The following RBM39 variants were observed in gnomAD, a reference collection of about 807,000 sequenced individuals.
The protein encoded by RBM39 is RNA binding motif protein 39.
In RBM39, 12 loss-of-function variants were observed where a neutral mutation model predicts 79.6. The ratio of observed to expected loss-of-function variants is 0.15; its 90% confidence interval spans 0.10 to 0.24. RBM39 has a LOEUF of 0.24. Ranked by LOEUF, RBM39 falls within the 10% of genes least tolerant of loss-of-function variation. RBM39 has a pLI of 1.00. For synonymous variants in RBM39, 185 were observed against 208.4 expected (o/e 0.89, Z 0.97); for missense variants, 243 against 653.4 (o/e 0.37, Z 6.85).
chr20:35,736,462 G>A (rs531581457), intron 3 of RBM39: 43 of 370,560 alleles, frequency 1.2e-4, no homozygotes, highest in Non-Finnish European at 5.1e-5. Flanking sequence ...AACAAGCCCT[G>A]AATAACATTA....
intron 14 of RBM39, 23 bp from the exon 15 acceptor site, chr20:35,705,353 C>G: frequency 7.8e-7 from 1 of 1,274,104 alleles, no homozygotes; most frequent in South Asian, 1.3e-5. Flanking sequence ...ATTAAGGACT[C>G]TTAAATACTA....
At chr20:35,709,169 T>A (rs1178262331) in intron 13 of RBM39, 55 bp downstream of exon 13, 6 of 1,458,190 alleles carry the variant, frequency 4.1e-6, no homozygotes, top group Non-Finnish European at 5.6e-6. Context: ...ACTGTCTTAC[T>A]ACATTTAATT....
intron 8 of RBM39, among the ~76,000 whole-genome samples, chr20:35,722,458 C>T (rs8117302): frequency 0.17 from 19,352 of 115,738 alleles, 2,104 homozygotes; most frequent in African/African-American, 0.29. Context: ...TATTTAGAGG[C>T]TTTTTTTTTT....
At chr20:35,722,718 G>T (rs539129446) in intron 8 of RBM39, among the ~76,000 whole-genome samples, 182 of 151,638 alleles carry the variant, frequency 1.2e-3, no homozygotes, top group African/African-American at 4.2e-3. Flanking sequence ...CGGATCACGA[G>T]GTCAGGAGAT....
intron 9 of RBM39, among the ~76,000 whole-genome samples, chr20:35,718,978 T>C (rs979520676): frequency 6.6e-6 from 1 of 151,934 alleles, no homozygotes; most frequent in Non-Finnish European, 1.5e-5. Flanking sequence ...CCAAAAAAAA[T>C]AATAAAATAA....
chr20:35,721,900 C>A (rs776664353), intron 8 of RBM39, 23 bp from the exon 9 acceptor site: 2 of 1,609,574 alleles, frequency 1.2e-6, no homozygotes, highest in Non-Finnish European at 1.7e-6. Flanking sequence ...ATACACGTCA[C>A]ACAGAGATAA....
chr20:35,735,601 G>C (rs1251572068), intron 3 of RBM39, among the ~76,000 whole-genome samples: 1 of 152,150 alleles, frequency 6.6e-6, no homozygotes, highest in Non-Finnish European at 1.5e-5. Flanking sequence ...TAGTACTAAA[G>C]GTTTAAAGCA....
chr20:35,729,684 C>T, intron 4 of RBM39, 157 bp from the exon 5 acceptor site: 2 of 665,732 alleles, frequency 3.0e-6, no homozygotes, highest in African/African-American at 3.7e-5. Flanking sequence ...AACTTTATTC[C>T]CAGGCAAGCT....
chr20:35,711,114 T>C (rs764977955), intron 12 of RBM39, among the ~76,000 whole-genome samples: 4 of 152,204 alleles, frequency 2.6e-5, no homozygotes, highest in Non-Finnish European at 5.9e-5. Flanking sequence ...ACGTATCTGA[T>C]ACAGCATCCA....
intron 3 of RBM39, among the ~76,000 whole-genome samples, chr20:35,737,139 C>G (rs1454945333): frequency 6.6e-6 from 1 of 151,786 alleles, no homozygotes; most frequent in Non-Finnish European, 1.5e-5. Context: ...CGCCTGTAAT[C>G]CCAGCACTTT....
intron 3 of RBM39, chr20:35,734,712 C>T: frequency 1.1e-6 from 1 of 904,476 alleles, no homozygotes; most frequent in East Asian, 3.2e-5. Context: ...GAAGGCAACC[C>T]CAGGCAGGTA....
chr20:35,712,345 A>C (rs2036517493), intron 12 of RBM39, among the ~76,000 whole-genome samples: 1 of 148,688 alleles, frequency 6.7e-6, no homozygotes. Flanking sequence ...AGGCACGAGA[A>C]CTGCTTGAAC....
At chr20:35,708,962 A>C in intron 13 of RBM39, 1 of 350,002 alleles carries the variant, frequency 2.9e-6, no homozygotes, top group Non-Finnish European at 5.2e-6. Context: ...AGGTAGGCAT[A>C]AAACAAAAAC....
At chr20:35,725,703 C>A (rs949994231) in intron 6 of RBM39, among the ~76,000 whole-genome samples, 1 of 150,218 alleles carries the variant, frequency 6.7e-6, no homozygotes, top group East Asian at 1.9e-4. Context: ...TTCTTGTCCC[C>A]CAGGCTTGGA....
intron 3 of RBM39, among the ~76,000 whole-genome samples, chr20:35,733,317 A>C (rs1254082153): frequency 2.0e-5 from 3 of 151,504 alleles, no homozygotes; most frequent in Non-Finnish European, 2.9e-5. Flanking sequence ...AAAAAAAAAA[A>C]AAACCCAACT....
intron 6 of RBM39, 59 bp from the exon 7 acceptor site, chr20:35,725,214 CTTT>C: frequency 2.5e-6 from 3 of 1,216,640 alleles, no homozygotes. Context: ...TAATTTTTAT[CTTT>C]TTTATTTCTT....
intron 14 of RBM39, among the ~76,000 whole-genome samples, chr20:35,705,793 A>T (rs1231796942): frequency 6.6e-6 from 1 of 152,074 alleles, no homozygotes; most frequent in Non-Finnish European, 1.5e-5. Flanking sequence ...GTCTCAAAAA[A>T]AAAAAAAAGT....
intron 9 of RBM39, among the ~76,000 whole-genome samples, chr20:35,717,125 C>G (rs73281038): frequency 0.074 from 11,261 of 151,932 alleles, 542 homozygotes; most frequent in South Asian, 0.18. Context: ...ACCAAAAATA[C>G]AAAAATTGTC....
chr20:35,734,468 C>A (rs776091722), intron 3 of RBM39: 17 of 245,422 alleles, frequency 6.9e-5, no homozygotes, highest in Non-Finnish European at 1.3e-4. Context: ...TTTCTAAAAC[C>A]AAAAGTCCTA....
Sources: gnomAD v4.1 joint callset for allele counts (sites outside exome capture counted in the v4.1 genomes callset) on GRCh38, gnomAD v4.1.1 for gene constraint, MANE v1.5 for transcripts, NCBI Gene and HGNC (gene_info 2026-07-23, HGNC 2026-07-21) for gene names.